The following IFNGR1 variants were observed in gnomAD, a reference collection of about 807,000 sequenced individuals.
The protein encoded by IFNGR1 is AVP, type 2.
IFNGR1 carries 23 observed loss-of-function variants against 35.4 expected under a neutral mutation model. That is an observed-to-expected ratio of 0.65 (90% CI 0.47 to 0.92). The LOEUF (loss-of-function observed/expected upper bound fraction) is 0.92, where lower values mean the gene tolerates loss of function less well. IFNGR1 is among the 40% of genes least tolerant of loss of function. The probability of loss-of-function intolerance (pLI) is 0.00; values close to 1 mark genes in which losing one functional copy is unlikely to be tolerated. For missense variants in IFNGR1, 533 were observed against 583.4 expected (o/e 0.91, Z 0.89); for synonymous variants, 199 against 209.5 (o/e 0.95, Z 0.43).
chr6:137,218,099 G>C (rs751302802), intron 1 of IFNGR1, among the ~76,000 whole-genome samples: 15 of 152,180 alleles, frequency 9.9e-5, no homozygotes, highest in Non-Finnish European at 2.1e-4. Context: ...CTTGGACTCT[G>C]GAGCCAAATT....
chr6:137,215,808 C>T (rs1298235775), intron 1 of IFNGR1, among the ~76,000 whole-genome samples: 1 of 152,138 alleles, frequency 6.6e-6, no homozygotes, highest in African/African-American at 2.4e-5. Flanking sequence ...ACCTCCTGGG[C>T]TCAAGTGATC....
At chr6:137,217,639 T>G (rs1582647868) in intron 1 of IFNGR1, among the ~76,000 whole-genome samples, 1 of 152,172 alleles carries the variant, frequency 6.6e-6, no homozygotes, top group East Asian at 1.9e-4. Flanking sequence ...GTCCTAGCAG[T>G]TTGGGTTCCT....
intron 1 of IFNGR1, among the ~76,000 whole-genome samples, chr6:137,215,633 G>C (rs1779676824): frequency 6.6e-6 from 1 of 152,024 alleles, no homozygotes; most frequent in South Asian, 2.1e-4. Context: ...TTCACTACTG[G>C]TATGCTGCCA....
intron 1 of IFNGR1, 115 bp downstream of exon 1, chr6:137,219,128 A>T (rs1457601319): frequency 7.3e-7 from 1 of 1,369,992 alleles, no homozygotes; most frequent in East Asian, 2.5e-5. Flanking sequence ...GGCCCGACGC[A>T]GGGGTCCCGG....
chr6:137,207,129 T>A (rs139375382), intron 1 of IFNGR1, 52 bp from the exon 2 acceptor site: 2 of 1,604,362 alleles, frequency 1.2e-6, no homozygotes, highest in Non-Finnish European at 1.7e-6. Context: ...CTAACATTAA[T>A]ATTGGAAAGC....
intron 1 of IFNGR1, chr6:137,215,373 G>T: frequency 6.6e-7 from 1 of 1,519,058 alleles, no homozygotes. Flanking sequence ...ATTATATTAT[G>T]GCCACTGCAA....
intron 1 of IFNGR1, among the ~76,000 whole-genome samples, chr6:137,217,816 A>G (rs1779743262): frequency 6.6e-6 from 1 of 152,164 alleles, no homozygotes; most frequent in African/African-American, 2.4e-5. Context: ...CACCTAACCT[A>G]TCTCCTCCCC....
chr6:137,215,543 C>T (rs901732938), intron 1 of IFNGR1, among the ~76,000 whole-genome samples: 2 of 152,190 alleles, frequency 1.3e-5, no homozygotes, highest in African/African-American at 4.8e-5. Flanking sequence ...GAATTCACTT[C>T]ATTCTGGTTC....
In IFNGR1 at chr6:137,203,036, C is replaced by A. The variant is rs542713832; in HGVS notation, c.733+463G>T. 1.1e-4 allele frequency among the ~76,000 whole-genome samples: 17 copies of A among 151,968 alleles called. No individual in the cohort carries two copies. In the East Asian group the frequency reaches 2.5e-3, roughly 22 times the overall value. ...ATGACCCATTATCTATTATTCAAAC[C>A]CATCTATAAACTTTTTTGGATATTA... On this transcript the variant is annotated intron_variant, in intron 5 of 6. Transcript: ENST00000367739.
intron 5 of IFNGR1, among the ~76,000 whole-genome samples, chr6:137,202,602 TACAC>T (rs3839519): frequency 0.026 from 3,688 of 142,136 alleles, 120 homozygotes; most frequent in South Asian, 0.16. Context: ...AATATATGTA[TACAC>T]ACACACACAC....
chr6:137,213,592 AAG>A (rs1779623461), intron 1 of IFNGR1, among the ~76,000 whole-genome samples: 1 of 152,242 alleles, frequency 6.6e-6, no homozygotes, highest in African/African-American at 2.4e-5. Context: ...GATATGAAAA[AAG>A]AGAGACAACA....
chr6:137,199,523 T>TAAATA (rs1421417541), intron 6 of IFNGR1, among the ~76,000 whole-genome samples: 1 of 91,072 alleles, frequency 1.1e-5, no homozygotes, highest in Admixed American at 1.9e-4. Context: ...TAATATATTA[T>TAAATA]ATATAATATA....
At chr6:137,198,788 G>GAAATTTCTTTTTAAT in intron 6 of IFNGR1, 149 bp from the exon 7 acceptor site, 3 of 650,676 alleles carry the variant, frequency 4.6e-6, no homozygotes. Flanking sequence ...TTTAATGAAA[G>GAAATTTCTTTTTAAT]GTCCCATAGT....
intron 5 of IFNGR1, among the ~76,000 whole-genome samples, chr6:137,201,250 A>G (rs1296853754): frequency 6.6e-6 from 1 of 152,250 alleles, no homozygotes; most frequent in African/African-American, 2.4e-5. Flanking sequence ...TTCTACTATG[A>G]CACAACATAG....
chr6:137,199,818 G>A (rs1319807033), intron 6 of IFNGR1, among the ~76,000 whole-genome samples: 2 of 150,814 alleles, frequency 1.3e-5, no homozygotes, highest in Admixed American at 6.6e-5. Flanking sequence ...TTTAATAGAT[G>A]GGGAAATGTT....
chr6:137,206,914 A>T, intron 2 of IFNGR1, 49 bp downstream of exon 2: 1 of 1,415,168 alleles, frequency 7.1e-7, no homozygotes, highest in South Asian at 1.2e-5. Context: ...ATTTCCAAGG[A>T]CCTAAACAAA....
At chr6:137,206,683 A>T (rs1779438122) in intron 2 of IFNGR1, 1 of 434,790 alleles carries the variant, frequency 2.3e-6, no homozygotes, top group South Asian at 3.7e-5. Context: ...TTCTACTAAA[A>T]ATACACTACA....
chr6:137,211,354 C>T (rs761693517), intron 1 of IFNGR1, among the ~76,000 whole-genome samples: 4 of 152,094 alleles, frequency 2.6e-5, no homozygotes, highest in Non-Finnish European at 5.9e-5. Flanking sequence ...TCATGGCTCC[C>T]CTCAAACAAA....
At position 137,201,022 on chromosome 6, in the gene IFNGR1, G is replaced by A. The variant is rs1293447156; in HGVS notation, c.734-14C>T. 6.2e-7 allele frequency: 1 copy of A among 1,612,190 alleles called. No homozygotes were observed. Among genetic ancestry groups the A allele is most frequent in the Non-Finnish European group, 8.5e-7 (1 of 1,178,694 alleles). On this transcript the variant is annotated splice_polypyrimidine_tract_variant and intron_variant, in intron 5 of 6. Transcript: ENST00000367739. ...TCCAAAGAGAACCTTAAAAAAGGCA[G>A]AAATCACAAGTTACAATTAAGATGG...
Sources: gnomAD v4.1 joint callset for allele counts (sites outside exome capture counted in the v4.1 genomes callset) on GRCh38, gnomAD v4.1.1 for gene constraint, MANE v1.5 for transcripts, NCBI Gene and HGNC (gene_info 2026-07-23, HGNC 2026-07-21) for gene names.